SDCCAG8: variants seen among roughly 807,000 people sequenced by gnomAD.
SDCCAG8 encodes SHH signaling and ciliogenesis regulator SDCCAG8.
A neutral mutation model predicts 101.8 loss-of-function variants in SDCCAG8; 74 were observed. That is an observed-to-expected ratio of 0.73 (90% CI 0.60 to 0.88). SDCCAG8 has a LOEUF of 0.88. SDCCAG8 is among the 40% of genes least tolerant of loss of function. The pLI is 0.00. For missense variants in SDCCAG8, 787 were observed against 822.6 expected (o/e 0.96, Z 0.53); for synonymous variants, 281 against 292.9 (o/e 0.96, Z 0.41).
chr1:243,313,723 C>T (rs1274964778), intron 8 of SDCCAG8, among the ~76,000 whole-genome samples: 2 of 152,142 alleles, frequency 1.3e-5, no homozygotes, highest in African/African-American at 2.4e-5. Context: ...ATTGATATGC[C>T]ACATGTGTCT....
chr1:243,417,932 CATCTT>C, intron 14 of SDCCAG8, 31 bp from the exon 15 acceptor site: 1 of 1,465,432 alleles, frequency 6.8e-7, no homozygotes, highest in South Asian at 1.1e-5. Context: ...CAACCATAAA[CATCTT>C]ATGTTGGTGG....
chr1:243,429,979 G>A (rs759937198), intron 16 of SDCCAG8, among the ~76,000 whole-genome samples: 2 of 151,988 alleles, frequency 1.3e-5, no homozygotes, highest in African/African-American at 2.4e-5. Flanking sequence ...TTACAGGCAT[G>A]AGCCACCATG....
intron 9 of SDCCAG8, among the ~76,000 whole-genome samples, chr1:243,323,487 A>C (rs1285104740): frequency 1.3e-5 from 2 of 151,654 alleles, no homozygotes; most frequent in Admixed American, 6.6e-5. Context: ...ATGTCATCAC[A>C]TTTTTCTTGC....
In SDCCAG8 at chr1:243,370,609, T is replaced by C. The variant is rs565629781; in HGVS notation, c.1474-8112T>C. Among the ~76,000 whole-genome samples, 3 of 152,266 alleles carry C rather than the reference T, an allele frequency of 2.0e-5. No individual in the cohort carries two copies. In the South Asian group the frequency reaches 6.2e-4, roughly 32 times the overall value. On this transcript the variant is annotated intron_variant, in intron 12 of 17. Coordinates refer to ENST00000366541, the MANE Select transcript of SDCCAG8 (RefSeq NM_006642.5). ...TCGCAATGTAATACAGTCAGCTTTA[T>C]ATCAGATGTCTGAAATTCTTCTCTT...
intron 16 of SDCCAG8, among the ~76,000 whole-genome samples, chr1:243,438,765 A>G (rs2082324631): frequency 1.3e-5 from 2 of 152,238 alleles, no homozygotes. Context: ...TTGGTGAGCC[A>G]GAGTGGCTCC....
intron 16 of SDCCAG8, among the ~76,000 whole-genome samples, chr1:243,429,303 T>C (rs2081553775): frequency 6.6e-6 from 1 of 152,208 alleles, no homozygotes; most frequent in African/African-American, 2.4e-5. Context: ...ATATAGTGTA[T>C]AACACATATA....
intron 13 of SDCCAG8, among the ~76,000 whole-genome samples, chr1:243,393,416 C>T (rs923126992): frequency 6.6e-6 from 1 of 151,438 alleles, no homozygotes; most frequent in Admixed American, 6.6e-5. Context: ...TAGCCGAGTG[C>T]CATGATGTTT....
intron 17 of SDCCAG8, among the ~76,000 whole-genome samples, chr1:243,489,482 G>A (rs1473684610): frequency 2.0e-5 from 3 of 152,204 alleles, no homozygotes; most frequent in Non-Finnish European, 4.4e-5. Flanking sequence ...CTTTTTGGAG[G>A]ATGGTGGCCT....
chr1:243,422,378 G>C (rs2081070725), intron 15 of SDCCAG8, among the ~76,000 whole-genome samples: 1 of 152,136 alleles, frequency 6.6e-6, no homozygotes, highest in Non-Finnish European at 1.5e-5. Flanking sequence ...ATTGAGGCTA[G>C]AGCAATGATC....
At chr1:243,365,466 G>C (rs544857276) in intron 12 of SDCCAG8, among the ~76,000 whole-genome samples, 109 of 152,102 alleles carry the variant, frequency 7.2e-4, no homozygotes, top group African/African-American at 2.5e-3. Context: ...TAAGCCAAAA[G>C]TTTCATTTTA....
intron 11 of SDCCAG8, among the ~76,000 whole-genome samples, chr1:243,343,595 G>A (rs2075513971): frequency 1.3e-5 from 2 of 152,118 alleles, no homozygotes; most frequent in African/African-American, 4.8e-5. Flanking sequence ...AGTCATAAGT[G>A]CATAGTGTGC....
At chr1:243,372,904 ATATC>A (rs1325202506) in intron 12 of SDCCAG8, among the ~76,000 whole-genome samples, 1 of 39,026 alleles carries the variant, frequency 2.6e-5, no homozygotes, top group Non-Finnish European at 5.7e-5. Context: ...AACCATATCT[ATATC>A]TATATCTATA....
chr1:243,314,992 G>A (rs554608744), intron 8 of SDCCAG8, among the ~76,000 whole-genome samples: 2 of 152,362 alleles, frequency 1.3e-5, no homozygotes, highest in Non-Finnish European at 2.9e-5. Flanking sequence ...TTACAGGCGT[G>A]AGCCACTGCG....
chr1:243,435,958 T>G (rs1203966449), intron 16 of SDCCAG8, among the ~76,000 whole-genome samples: 2 of 152,166 alleles, frequency 1.3e-5, no homozygotes, highest in African/African-American at 2.4e-5. Context: ...ACCCCATACA[T>G]GCATAGCCTC....
chr1:243,499,408 T>TAAAC (rs1052685848), intron 17 of SDCCAG8, among the ~76,000 whole-genome samples: 1 of 152,240 alleles, frequency 6.6e-6, no homozygotes, highest in Non-Finnish European at 1.5e-5. Flanking sequence ...AAATTTTCAG[T>TAAAC]AAACAGATTA....
At chr1:243,472,042 A>G (rs1330939452) in intron 16 of SDCCAG8, among the ~76,000 whole-genome samples, 1 of 152,192 alleles carries the variant, frequency 6.6e-6, no homozygotes, top group Non-Finnish European at 1.5e-5. Context: ...TCACAACTAG[A>G]ACAGATCTGG....
chr1:243,456,235 AAG>A (rs2083742894), intron 16 of SDCCAG8, among the ~76,000 whole-genome samples: 1 of 152,150 alleles, frequency 6.6e-6, no homozygotes, highest in Non-Finnish European at 1.5e-5. Flanking sequence ...TAGGTCTGAG[AAG>A]AGTCATCGGG....
intron 16 of SDCCAG8, among the ~76,000 whole-genome samples, chr1:243,439,690 T>C (rs2082402887): frequency 6.8e-6 from 1 of 146,940 alleles, no homozygotes; most frequent in African/African-American, 2.5e-5. Context: ...TCTGTAGAGA[T>C]AGTAGTATTG....
At chr1:243,356,748 T>C (rs2076407770) in intron 12 of SDCCAG8, among the ~76,000 whole-genome samples, 1 of 151,654 alleles carries the variant, frequency 6.6e-6, no homozygotes, top group Non-Finnish European at 1.5e-5. Flanking sequence ...ACTTCAGGTG[T>C]CCCAAAGCAG....
Sources: gnomAD v4.1 joint callset for allele counts (sites outside exome capture counted in the v4.1 genomes callset) on GRCh38, gnomAD v4.1.1 for gene constraint, MANE v1.5 for transcripts, NCBI Gene and HGNC (gene_info 2026-07-23, HGNC 2026-07-21) for gene names.